Variants in CNTN5 observed in about 807,000 individuals in gnomAD.
CNTN5 encodes contactin 5, also known as contactin-5.
Under a neutral mutation model 129.1 loss-of-function variants are expected in CNTN5, and 77 were observed. That is an observed-to-expected ratio of 0.60 (90% CI 0.50 to 0.72). The LOEUF is 0.72. Ranked by LOEUF, CNTN5 falls within the 30% of genes least tolerant of loss-of-function variation. The pLI is 0.00. For synonymous variants in CNTN5, 509 were observed against 465.6 expected (o/e 1.09, Z -1.20); for missense variants, 1,478 against 1,328.8 (o/e 1.11, Z -1.75).
chr11:99,152,911 G>A (rs535401517), intron 1 of CNTN5, among the ~76,000 whole-genome samples: 33 of 152,270 alleles, frequency 2.2e-4, no homozygotes, highest in Non-Finnish European at 4.4e-4. Flanking sequence ...AGCTTAGTAT[G>A]GCTGGATATG....
chr11:100,273,886 T>G (rs977983865), intron 18 of CNTN5, among the ~76,000 whole-genome samples: 2 of 152,140 alleles, frequency 1.3e-5, no homozygotes, highest in Non-Finnish European at 2.9e-5. Flanking sequence ...AAAATTCATA[T>G]GAACCAAAAA....
intron 2 of CNTN5, among the ~76,000 whole-genome samples, chr11:99,481,061 C>G (rs949158128): frequency 6.6e-6 from 1 of 151,942 alleles, no homozygotes; most frequent in Non-Finnish European, 1.5e-5. Context: ...AAAATTATGC[C>G]TATACCATCC....
chr11:99,969,973 A>G (rs1951205246), intron 8 of CNTN5, among the ~76,000 whole-genome samples: 2 of 152,206 alleles, frequency 1.3e-5, no homozygotes, highest in Non-Finnish European at 2.9e-5. Context: ...ATATCCCACA[A>G]ACTAACTTCT....
chr11:100,161,854 C>CAG (rs1477191720), intron 13 of CNTN5, among the ~76,000 whole-genome samples: 1 of 149,172 alleles, frequency 6.7e-6, no homozygotes, highest in African/African-American at 2.5e-5. Flanking sequence ...CACACACACA[C>CAG]ACACACACAC....
intron 2 of CNTN5, among the ~76,000 whole-genome samples, chr11:99,420,688 A>C (rs1942848827): frequency 6.6e-6 from 1 of 152,214 alleles, no homozygotes; most frequent in Admixed American, 6.5e-5. Flanking sequence ...ATGCCTGATA[A>C]ATTGAAAGCA....
rs555427426 is a variant in CNTN5, at chr11:99,949,638, T to C, written c.674-7168T>C. 5.9e-5 allele frequency among the ~76,000 whole-genome samples: 9 copies of C among 152,272 alleles called. No homozygotes were observed. In the East Asian group the frequency reaches 1.7e-3, roughly 29 times the overall value. On this transcript the variant is annotated intron_variant, in intron 7 of 24. Transcript: ENST00000524871. The stretch of plus-strand genomic sequence containing the variant: ...CAATACAACGTAAATTAAAAACCCC[T>C]TAGCAAAGCAAGAAATTTAGGCCGC...
rs115934851 is a variant in CNTN5 at position 99,688,400 on chromosome 11, G to A, written c.56-131144G>A. On this transcript the variant is annotated intron_variant, in intron 3 of 24. Transcript: ENST00000524871. ...AAACACACTTCAGGGACTACTTGAA[G>A]TCAGCCAAAGAACACAAAGTTATTT... 6.1e-3 allele frequency among the ~76,000 whole-genome samples: 932 copies of A among 152,200 alleles called. 7 individuals are homozygous for A. The highest frequency in any genetic ancestry group is 0.021 in the African/African-American group (886 of 41,532).
At chr11:99,659,796 A>G (rs1952528844) in intron 3 of CNTN5, among the ~76,000 whole-genome samples, 1 of 152,206 alleles carries the variant, frequency 6.6e-6, no homozygotes, top group Non-Finnish European at 1.5e-5. Flanking sequence ...CTTCTAAAAG[A>G]TACCTTCAGA....
Position 99,794,913 on chromosome 11 carries a change from C to T in CNTN5, c.56-24631C>T, listed in dbSNP as rs150900532. On this transcript the variant is annotated intron_variant, in intron 3 of 24. Transcript: ENST00000524871. ...GACTATGTGTCTTTGAGATGGCTGT[C>T]CTGTATAATATCTTGCAGGGGTTCT... is the stretch of plus-strand genomic sequence containing the variant. Among the ~76,000 whole-genome samples, 62 of 152,120 alleles carry T rather than the reference C, an allele frequency of 4.1e-4. No homozygotes were observed. The South Asian group carries it at 8.7e-3, about 21-fold the overall frequency.
At chr11:99,771,588 C>T (rs1240651072) in intron 3 of CNTN5, among the ~76,000 whole-genome samples, 1 of 151,814 alleles carries the variant, frequency 6.6e-6, no homozygotes, top group African/African-American at 2.4e-5. Flanking sequence ...TATGTAGAAT[C>T]TAAAAAAGTG....
At chr11:99,408,184 T>G (rs963960600) in intron 2 of CNTN5, among the ~76,000 whole-genome samples, 1 of 151,584 alleles carries the variant, frequency 6.6e-6, no homozygotes, top group Non-Finnish European at 1.5e-5. Context: ...TTCACTGGCG[T>G]TTTTGCAGGC....
intron 2 of CNTN5, among the ~76,000 whole-genome samples, chr11:99,427,231 G>A (rs1431317869): frequency 6.6e-6 from 1 of 152,066 alleles, no homozygotes; most frequent in African/African-American, 2.4e-5. Flanking sequence ...GAACAATTTA[G>A]ATATATTAAG....
intron 3 of CNTN5, among the ~76,000 whole-genome samples, chr11:99,688,415 C>G (rs1359881303): frequency 1.3e-5 from 2 of 152,054 alleles, no homozygotes; most frequent in Admixed American, 6.6e-5. Flanking sequence ...CCAAAGAACA[C>G]AAAGTTATTT....
intron 1 of CNTN5, among the ~76,000 whole-genome samples, chr11:99,211,306 T>TG: frequency 6.6e-6 from 1 of 152,246 alleles, no homozygotes; most frequent in East Asian, 1.9e-4. Context: ...ATAGATTTTT[T>TG]GGGGGGTTTG....
chr11:99,531,799 A>T (rs1354617937), intron 2 of CNTN5, among the ~76,000 whole-genome samples: 1 of 152,180 alleles, frequency 6.6e-6, no homozygotes, highest in Non-Finnish European at 1.5e-5. Context: ...TCAAGAATTC[A>T]GGTTTGGGAA....
intron 2 of CNTN5, among the ~76,000 whole-genome samples, chr11:99,380,768 C>CAAAAAAAAAAAAAA (rs769229566): frequency 2.4e-4 from 25 of 102,224 alleles, no homozygotes; most frequent in Middle Eastern, 5.6e-3. Context: ...AACTCTATCT[C>CAAAAAAAAAAAAAA]AAAAAAAAAA....
At chr11:99,887,728 T>A (rs1158185195) in intron 6 of CNTN5, among the ~76,000 whole-genome samples, 2 of 152,212 alleles carry the variant, frequency 1.3e-5, no homozygotes, top group Admixed American at 6.5e-5. Context: ...CTGAAGAACT[T>A]GGAGTCTGAT....
Position 100,350,862 on chromosome 11 carries a change from C to G in CNTN5, c.3191C>G (p.Ser1064Ter). 1 of 1,569,038 alleles carries G rather than the reference C, an allele frequency of 6.4e-7. No individual in the cohort carries two copies. Residue 1064 changes from serine (S) to a stop codon, truncating the protein, a stop_gained, in exon 24 of 25, where the codon TCA (serine) becomes TGA (stop). Coordinates refer to ENST00000524871, the MANE Select transcript of CNTN5 (RefSeq NM_014361.4). LOFTEE classifies it high-confidence loss of function. ...GCTAGTTCTCAAATTAGGGTACCAT[C>G]ATATTCAGGTAAGTTTTGACACAGT... Reference protein sequence around the residue: ...GTASSQIRVPSYSGGKITSAQ... With the variant: ...GTASSQIRVP
intron 10 of CNTN5, among the ~76,000 whole-genome samples, chr11:100,064,538 G>A (rs561844040): frequency 6.6e-6 from 1 of 152,108 alleles, no homozygotes; most frequent in East Asian, 1.9e-4. Context: ...ATAAAACTTG[G>A]AAAAATTAAA....
Sources: allele counts gnomAD v4.1 joint callset (sites outside exome capture counted in the v4.1 genomes callset), GRCh38; gene constraint gnomAD v4.1.1; transcripts MANE v1.5; gene names NCBI Gene and HGNC (gene_info 2026-07-23, HGNC 2026-07-21).